Variants in DOCK8 observed in about 807,000 individuals in gnomAD.
The protein encoded by DOCK8 is dedicator of cytokinesis 8, also known as dedicator of cytokinesis protein 8.
Under a neutral mutation model 245.6 loss-of-function variants are expected in DOCK8, and 141 were observed. The observed-to-expected ratio is 0.57, with a 90% CI of 0.50 to 0.66. The LOEUF (loss-of-function observed/expected upper bound fraction) is 0.66. DOCK8 is among the 30% of genes least tolerant of loss of function. DOCK8 has a pLI of 0.00. For synonymous variants in DOCK8, 1,168 were observed against 970.2 expected (o/e 1.20, Z -3.79); for missense variants, 2,965 against 2,603.4 (o/e 1.14, Z -3.02).
At chr9:358,561 C>T (rs2052562191) in intron 14 of DOCK8, among the ~76,000 whole-genome samples, 1 of 152,132 alleles carries the variant, frequency 6.6e-6, no homozygotes, top group African/African-American at 2.4e-5. Context: ...TTAAAAATTA[C>T]CTGCAGGCCA....
chr9:317,253 G>T (rs2050387137), intron 7 of DOCK8, 125 bp downstream of exon 7: 1 of 798,536 alleles, frequency 1.3e-6, no homozygotes, highest in Non-Finnish European at 2.1e-6. Context: ...ACAGTGGGCA[G>T]CTGTGGAGTA....
chr9:443,019 T>G (rs1189391123), intron 42 of DOCK8, among the ~76,000 whole-genome samples: 1 of 152,194 alleles, frequency 6.6e-6, no homozygotes, highest in Non-Finnish European at 1.5e-5. Flanking sequence ...GTCCACTTGG[T>G]TCCCTATATT....
chr9:254,693 C>G (rs1159327041), intron 1 of DOCK8, among the ~76,000 whole-genome samples: 1 of 152,304 alleles, frequency 6.6e-6, no homozygotes, highest in Non-Finnish European at 1.5e-5. Context: ...GACTCACATT[C>G]TCCTTCTACT....
chr9:416,687 TAA>T lies in DOCK8; in HGVS notation c.3701-1380_3701-1379del, dbSNP rs757709920. On this transcript the variant is annotated intron_variant, in intron 29 of 47. Coordinates refer to ENST00000432829, the MANE Select transcript of DOCK8 (RefSeq NM_203447.4). ...CAGATTCCAGCCCCATTTATTAATA[TAA>T]GTGACCTTTGAAAGGCTCAACCTTT... Among the ~76,000 whole-genome samples, 79 of 152,216 alleles carry T rather than the reference TAA, an allele frequency of 5.2e-4. 1 individual carries two copies. Among genetic ancestry groups the T allele is most frequent in the Non-Finnish European group, 1.5e-4 (10 of 68,044 alleles).
intron 18 of DOCK8, among the ~76,000 whole-genome samples, chr9:375,744 C>T (rs1413165898): frequency 6.6e-6 from 1 of 152,184 alleles, no homozygotes; most frequent in Non-Finnish European, 1.5e-5. Flanking sequence ...CACCTGTAAT[C>T]CCAACATTTT....
At chr9:318,326 T>G (rs1236924573) in intron 7 of DOCK8, among the ~76,000 whole-genome samples, 1 of 152,236 alleles carries the variant, frequency 6.6e-6, no homozygotes, top group Non-Finnish European at 1.5e-5. Flanking sequence ...CATAGGTCCC[T>G]TCAGCGGCCC....
rs532879343 is a variant in DOCK8 at position 441,409 on chromosome 9, G to A, written c.5347G>A (p.Val1783Ile). The change falls in exon 41 of 48, where the codon GTT becomes ATT. Residue 1783 changes from valine (V) to isoleucine (I), a missense_variant. Physicochemically the swap from Val to Ile is conservative, Grantham distance 29 (BLOSUM62 3). Around this residue, in one of 3 missense-constraint regions of DOCK8, gnomAD observed 2,825 missense variants for 2,453.5 expected, o/e 1.15. Transcript: ENST00000432829. ...GCTGCAGAGAGCCTTCGACAGCATC[G>A]TTAACAAGGTAGCCGGGGAGCCTGG... ...SKLQRAFDSI[V>I]NKDHKRMFGT... The A allele has an allele frequency of 1.1e-5, 17 of 1,614,060 alleles. No homozygotes were observed. The highest frequency in any genetic ancestry group is 4.0e-5 in the African/African-American group (3 of 74,920).
At chr9:311,638 C>G (rs968425068) in intron 5 of DOCK8, among the ~76,000 whole-genome samples, 10 of 152,142 alleles carry the variant, frequency 6.6e-5, no homozygotes, top group Middle Eastern at 3.2e-3. Flanking sequence ...CTTGGCCCCC[C>G]CAGCCCCAGG....
At chr9:381,784 A>C (rs951499907) in intron 21 of DOCK8, among the ~76,000 whole-genome samples, 2 of 152,086 alleles carry the variant, frequency 1.3e-5, no homozygotes, top group Non-Finnish European at 2.9e-5. Flanking sequence ...ACGTGACAAA[A>C]GCCCATTTCT....
chr9:233,537 T>G (rs2047170570), intron 1 of DOCK8, among the ~76,000 whole-genome samples: 1 of 151,640 alleles, frequency 6.6e-6, no homozygotes, highest in African/African-American at 2.4e-5. Context: ...AGTCTAAGTC[T>G]CTTTGTAGGT....
Position 317,112 on chromosome 9 carries a change from A to G in DOCK8, c.811A>G (p.Lys271Glu). Residue 271 changes from lysine (K) to glutamate (E), a missense_variant, in exon 7 of 48, where the codon AAG becomes GAG. Around this residue, in one of 3 missense-constraint regions of DOCK8, gnomAD observed 2,825 missense variants for 2,453.5 expected, o/e 1.15. Coordinates refer to ENST00000432829, the MANE Select transcript of DOCK8 (RefSeq NM_203447.4). The stretch of plus-strand genomic sequence containing the variant: ...ACACCTGGGCAACAGAATATTGGTC[A>G]AGTTGCTGACCTTGAAGTAAGTATC... ...KEHLGNRILVKLLTLKFEIEI... is the reference protein window; with the variant it reads ...KEHLGNRILVELLTLKFEIEI... 1 of 1,613,844 alleles carries G rather than the reference A, an allele frequency of 6.2e-7. No homozygotes were observed. The highest frequency in any genetic ancestry group is 1.1e-5 in the South Asian group (1 of 91,068).
intron 1 of DOCK8, among the ~76,000 whole-genome samples, chr9:266,283 T>C (rs2048033326): frequency 6.6e-6 from 1 of 152,190 alleles, no homozygotes; most frequent in Non-Finnish European, 1.5e-5. Context: ...ATTATTCATC[T>C]GCCCTCCTCC....
rs1163450957 is a variant in DOCK8, at chr9:273,791, A to G, written c.156+2062A>G. 1.3e-4 allele frequency among the ~76,000 whole-genome samples: 5 copies of G among 39,008 alleles called. No individual in the cohort carries two copies. In the East Asian group the frequency reaches 2.5e-3, roughly 19 times the overall value. The allele number at this position is 39,008 out of a possible 152,430, so 25.6% of individuals were successfully genotyped here. A position where few individuals can be genotyped will look rare whatever the true frequency, so the allele number is the denominator to read the frequency against. ...CAACCTCTGCCTCCTAGTTCAAGCA[A>G]TTCTCCTGTAGTTCAAGCAATTCTC... On this transcript the variant is annotated intron_variant, in intron 2 of 47. Coordinates refer to ENST00000432829, the MANE Select transcript of DOCK8 (RefSeq NM_203447.4).
intron 29 of DOCK8, among the ~76,000 whole-genome samples, chr9:417,485 C>A (rs1586970835): frequency 6.6e-6 from 1 of 152,176 alleles, no homozygotes; most frequent in Non-Finnish European, 1.5e-5. Flanking sequence ...TTTCCCAGAA[C>A]TGCTTGAAAT....
intron 31 of DOCK8, 73 bp downstream of exon 31, chr9:420,656 C>A: frequency 6.3e-7 from 1 of 1,586,718 alleles, no homozygotes; most frequent in South Asian, 1.1e-5. Flanking sequence ...TACTCATCCC[C>A]TTTGTTTGGG....
chr9:334,266 C>T lies in DOCK8; in HGVS notation c.1167C>T (p.Ser389=), dbSNP rs141586983. 1.2e-6 allele frequency: 2 copies of T among 1,614,208 alleles called. No individual in the cohort carries two copies. Among genetic ancestry groups the T allele is most frequent in the Non-Finnish European group, 8.5e-7 (1 of 1,180,036 alleles). Residue 389 remains serine, a synonymous_variant, in exon 11 of 48, where the codon TCC becomes TCT. Coordinates refer to ENST00000432829, the MANE Select transcript of DOCK8 (RefSeq NM_203447.4). The part of the protein sequence containing the change: ...KIEKLKLQAE[S]FCQRLGKYRM... Reference sequence around the variant, plus strand: ...AAAAACTAAAACTCCAAGCTGAATCCTTCTGCCAGCGTTTGGGGAAATACC... The same window carrying T: ...AAAAACTAAAACTCCAAGCTGAATCTTTCTGCCAGCGTTTGGGGAAATACC...
chr9:428,551 A>G (rs2056586737), intron 35 of DOCK8, 55 bp downstream of exon 35: 3 of 1,604,156 alleles, frequency 1.9e-6, no homozygotes, highest in Non-Finnish European at 2.6e-6. Context: ...ATTCTCATCT[A>G]GCTTCATACT....
At chr9:215,438 A>G (rs768808213) in intron 1 of DOCK8, 31 of 1,502,652 alleles carry the variant, frequency 2.1e-5, no homozygotes, top group East Asian at 2.6e-5. Context: ...CGCGGGGGGA[A>G]GAAGTGAAGT....
At chr9:462,376 T>A (rs960456205) in intron 46 of DOCK8, among the ~76,000 whole-genome samples, 1 of 152,252 alleles carries the variant, frequency 6.6e-6, no homozygotes, top group African/African-American at 2.4e-5. Context: ...CAATATGACT[T>A]TCTTTTCCAT....
Sources: allele counts gnomAD v4.1 joint callset (sites outside exome capture counted in the v4.1 genomes callset), GRCh38; gene constraint gnomAD v4.1.1; regional missense constraint gnomAD v4.1.1; transcripts MANE v1.5; gene names NCBI Gene and HGNC (gene_info 2026-07-23, HGNC 2026-07-21).